The following ARHGAP39 variants were observed in gnomAD, a reference collection of about 807,000 sequenced individuals.
ARHGAP39 encodes the protein rho GTPase-activating protein 39.
In ARHGAP39, 44 loss-of-function variants were observed where a neutral mutation model predicts 106.9. The ratio of observed to expected loss-of-function variants is 0.41; its 90% CI spans 0.32 to 0.53. The LOEUF is 0.53. ARHGAP39 is among the 20% of genes least tolerant of loss of function. The pLI is 0.21. For missense variants in ARHGAP39, 1,496 were observed against 1,577.3 expected (o/e 0.95, Z 0.87); for synonymous variants, 768 against 693.2 (o/e 1.11, Z -1.69).
At position 144,529,365 on chromosome 8, in the gene ARHGAP39, A is replaced by C. The variant is rs970801955; in HGVS notation, c.*1057T>G. On this transcript the variant is annotated 3_prime_UTR_variant, in exon 12 of 12. Transcript: ENST00000377307. The stretch of plus-strand genomic sequence containing the variant: ...AAACGGAACTCTAAAAAATATATAT[A>C]TAAAAACTGGGGAGAAATTAAGTTT... 11 of 153,330 alleles carry C rather than the reference A, an allele frequency of 7.2e-5. No individual in the cohort carries two copies. The East Asian group carries it at 2.1e-3, about 29-fold the overall frequency. 9.5% of individuals were successfully genotyped at this position (153,330 alleles called of 1,614,324 possible).
intron 5 of ARHGAP39, among the ~76,000 whole-genome samples, chr8:144,546,675 G>A (rs1013232190): frequency 6.6e-6 from 1 of 152,142 alleles, no homozygotes; most frequent in East Asian, 1.9e-4. Context: ...GAATTCCTGC[G>A]GCCTCTGTCC....
chr8:144,565,909 C>G (rs1440110374), intron 3 of ARHGAP39, among the ~76,000 whole-genome samples: 1 of 129,710 alleles, frequency 7.7e-6, no homozygotes, highest in East Asian at 2.2e-4. Context: ...CTGGGAAAAA[C>G]AGAGAGACCC....
intron 3 of ARHGAP39, among the ~76,000 whole-genome samples, chr8:144,577,278 C>T (rs1303312484): frequency 3.3e-5 from 5 of 152,134 alleles, no homozygotes; most frequent in African/African-American, 7.2e-5. Context: ...ACGCTCAGGG[C>T]CGGTTCAACA....
chr8:144,581,977 C>T (rs1205267333), intron 2 of ARHGAP39, among the ~76,000 whole-genome samples: 1 of 151,438 alleles, frequency 6.6e-6, no homozygotes, highest in Non-Finnish European at 1.5e-5. Context: ...CCCATGGACC[C>T]ATGCATCCGT....
At chr8:144,672,952 C>A (rs1822135770) in intron 1 of ARHGAP39, among the ~76,000 whole-genome samples, 1 of 152,170 alleles carries the variant, frequency 6.6e-6, no homozygotes, top group Non-Finnish European at 1.5e-5. Flanking sequence ...CACAGTGGTT[C>A]ATGCCTGTAA....
intron 1 of ARHGAP39, among the ~76,000 whole-genome samples, chr8:144,650,317 G>T (rs1380359733): frequency 6.6e-6 from 1 of 152,004 alleles, no homozygotes; most frequent in South Asian, 2.1e-4. Flanking sequence ...AATTCTACCC[G>T]ATGTACAAAG....
the ARHGAP39 span, among the ~76,000 whole-genome samples, chr8:144,690,990 G>T: frequency 3.9e-5 from 6 of 152,050 alleles, no homozygotes; most frequent in Admixed American, 2.0e-4. Context: ...GAGTTTCTGG[G>T]CTGGGCGCTT....
At chr8:144,656,313 C>T (rs991401767) in intron 1 of ARHGAP39, among the ~76,000 whole-genome samples, 4 of 151,546 alleles carry the variant, frequency 2.6e-5, no homozygotes, top group South Asian at 2.1e-4. Flanking sequence ...CTCAACATAG[C>T]GAGACCCCAT....
chr8:144,694,128 TG>T, the ARHGAP39 span, among the ~76,000 whole-genome samples: 1 of 152,120 alleles, frequency 6.6e-6, no homozygotes, highest in Admixed American at 6.6e-5. Flanking sequence ...TCTGGGGACC[TG>T]AGTGAGTGGA....
At position 144,684,649 on chromosome 8, in the gene ARHGAP39, C is replaced by T. The variant is rs116669426; in HGVS notation, c.-82+1037G>A. On this transcript the variant is annotated intron_variant, in intron 1 of 11. Coordinates refer to ENST00000377307, the MANE Select transcript of ARHGAP39 (RefSeq NM_025251.3). The surrounding 1 kb of genome is among the most constrained non-coding windows in gnomAD (Gnocchi z 4.4). ...CTGCACGTTTTAAAATAAAAAACGT[C>T]CTGGGCCCCAAAATGCACAGCCCGC... Among the ~76,000 whole-genome samples the T allele has an allele frequency of 5.0e-3, 764 of 152,314 alleles. 6 individuals are homozygous for T. Among genetic ancestry groups the T allele is most frequent in the African/African-American group, 0.018 (740 of 41,566 alleles).
chr8:144,694,763 G>A, the ARHGAP39 span, among the ~76,000 whole-genome samples: 1 of 152,180 alleles, frequency 6.6e-6, no homozygotes. Flanking sequence ...ATTTCAGGCT[G>A]CTGAAAGGTG....
intron 7 of ARHGAP39, among the ~76,000 whole-genome samples, chr8:144,536,978 C>T (rs1364381895): frequency 6.6e-6 from 1 of 152,194 alleles, no homozygotes; most frequent in African/African-American, 2.4e-5. Flanking sequence ...GATGAGTGGG[C>T]GTGAGGCACT....
chr8:144,661,298 C>G (rs925248537), intron 1 of ARHGAP39, among the ~76,000 whole-genome samples: 1 of 152,226 alleles, frequency 6.6e-6, no homozygotes. Context: ...AACATCTCAG[C>G]CTCTCCCCGG....
chr8:144,603,683 C>G (rs1820168469), intron 2 of ARHGAP39, among the ~76,000 whole-genome samples: 1 of 143,086 alleles, frequency 7.0e-6, no homozygotes, highest in African/African-American at 2.8e-5. Flanking sequence ...AAGCGAGACT[C>G]CATCAAAAAA....
chr8:144,559,329 C>G (rs1340121474), intron 3 of ARHGAP39, among the ~76,000 whole-genome samples: 1 of 129,840 alleles, frequency 7.7e-6, no homozygotes. Flanking sequence ...TCGTGCAAGC[C>G]CGGGTGACAG....
chr8:144,562,695 CGG>C (rs1818242098), intron 3 of ARHGAP39, among the ~76,000 whole-genome samples: 3 of 151,566 alleles, frequency 2.0e-5, no homozygotes, highest in African/African-American at 7.3e-5. Flanking sequence ...TGGTTTCCAT[CGG>C]ACTCCAGTGG....
chr8:144,642,591 C>G (rs1231608028), intron 1 of ARHGAP39, among the ~76,000 whole-genome samples: 1 of 152,050 alleles, frequency 6.6e-6, no homozygotes, highest in African/African-American at 2.4e-5. Flanking sequence ...CAATAATCAC[C>G]ACGTGTCATG....
At chr8:144,636,465 T>TGCA in intron 1 of ARHGAP39, among the ~76,000 whole-genome samples, 1 of 152,192 alleles carries the variant, frequency 6.6e-6, no homozygotes, top group Non-Finnish European at 1.5e-5. Context: ...CTATGGGGTC[T>TGCA]GCAGGAACCC....
intron 8 of ARHGAP39, 132 bp from the exon 9 acceptor site, chr8:144,533,457 G>C (rs961784017): frequency 2.9e-5 from 26 of 909,030 alleles, no homozygotes; most frequent in South Asian, 2.3e-4. Context: ...ACCTGGGTCC[G>C]AGTGTGGTGT....
Sources: gnomAD v4.1 joint callset for allele counts (sites outside exome capture counted in the v4.1 genomes callset) on GRCh38, gnomAD v4.1.1 for gene constraint, Gnocchi (gnomAD v3.1) non-coding constraint, MANE v1.5 for transcripts, NCBI Gene and HGNC (gene_info 2026-07-23, HGNC 2026-07-21) for gene names.